The following VPS41 variants were observed in gnomAD, a reference collection of about 807,000 sequenced individuals.
The protein encoded by VPS41 is VPS41 subunit of HOPS complex, also known as vacuolar protein sorting-associated protein 41 homolog.
Under a neutral mutation model 130.9 loss-of-function variants are expected in VPS41, and 85 were observed. That is an observed-to-expected ratio of 0.65 (90% CI 0.55 to 0.78). The LOEUF (loss-of-function observed/expected upper bound fraction) is 0.78, where lower values mean the gene tolerates loss of function less well. VPS41 is among the 30% of genes least tolerant of loss of function. VPS41 has a pLI of 0.00. For missense variants in VPS41, 874 were observed against 1,018.7 expected, an observed-to-expected ratio of 0.86 and a Z score of 1.93; for synonymous variants, 335 against 332.9, an observed-to-expected ratio of 1.01 and a Z score of -0.07.
rs1025556554 is a variant in VPS41, at chr7:38,723,147, G to A, written c.*3099C>T. 2.6e-5 allele frequency: 4 copies of A among 152,192 alleles called. No homozygotes were observed. Among genetic ancestry groups the A allele is most frequent in the African/African-American group, 4.8e-5 (2 of 41,428 alleles). The allele number at this position is 152,192 out of a possible 1,614,324, so 9.4% of individuals were successfully genotyped here. ...TTCATACTGAGTAGGCTGAGAAGGA[G>A]GAGGAAGGGGAGGGCCTGGTCTTGC... On this transcript the variant is annotated 3_prime_UTR_variant, in exon 29 of 29. Coordinates refer to ENST00000310301, the MANE Select transcript of VPS41 (RefSeq NM_014396.4).
chr7:38,817,959 A>C, intron 6 of VPS41, 77 bp from the exon 7 acceptor site: 1 of 1,107,664 alleles, frequency 9.0e-7, no homozygotes, highest in Non-Finnish European at 1.4e-6. Context: ...GACACAGTTC[A>C]AGCAGCATGA....
At chr7:38,824,030 G>A (rs1350353143) in intron 5 of VPS41, among the ~76,000 whole-genome samples, 2 of 152,282 alleles carry the variant, frequency 1.3e-5, no homozygotes, top group African/African-American at 4.8e-5. Context: ...AGAAAATCAG[G>A]TGAAAAGAAG....
At position 38,811,606 on chromosome 7, in the gene VPS41, C is replaced by T. The variant is rs576904586; in HGVS notation, c.450+6211G>A. ...AGACTTGTTTTGTCATACACACACA[C>T]ACACACACACACACCCCTCCATATA... is the stretch of plus-strand genomic sequence containing the variant. On this transcript the variant is annotated intron_variant, in intron 7 of 28. Coordinates refer to ENST00000310301, the MANE Select transcript of VPS41 (RefSeq NM_014396.4). Among the ~76,000 whole-genome samples, 677 of 150,712 alleles carry T rather than the reference C, an allele frequency of 4.5e-3. 4 individuals are homozygous for T. The highest frequency in any genetic ancestry group is 0.016 in the African/African-American group (654 of 40,876).
At chr7:38,897,010 A>G (rs1216069108) in intron 2 of VPS41, among the ~76,000 whole-genome samples, 1 of 152,000 alleles carries the variant, frequency 6.6e-6, no homozygotes, top group Non-Finnish European at 1.5e-5. Flanking sequence ...CCTGGCCAAC[A>G]TGGTGAAACC....
At chr7:38,789,430 AG>A (rs1784494988) in intron 10 of VPS41, among the ~76,000 whole-genome samples, 2 of 152,122 alleles carry the variant, frequency 1.3e-5, no homozygotes, top group Admixed American at 1.3e-4. Flanking sequence ...GTGCTAGACA[AG>A]GGGAAAGAGA....
chr7:38,798,765 G>A (rs533429680), intron 7 of VPS41, among the ~76,000 whole-genome samples: 6 of 152,282 alleles, frequency 3.9e-5, no homozygotes, highest in African/African-American at 1.4e-4. Flanking sequence ...GTGGGACACA[G>A]CATCGAATTC....
intron 7 of VPS41, among the ~76,000 whole-genome samples, chr7:38,803,203 T>C (rs1229302027): frequency 6.6e-6 from 1 of 152,248 alleles, no homozygotes; most frequent in South Asian, 2.1e-4. Context: ...TATCAGGCTG[T>C]AATGAAGTCC....
rs573486413 is a variant in VPS41, at chr7:38,823,907, T to C, written c.322-2642A>G. On this transcript the variant is annotated intron_variant, in intron 5 of 28. Transcript: ENST00000310301. The stretch of plus-strand genomic sequence containing the variant: ...TTTATGGAAATATATAGGCATAGGA[T>C]AATATAACAAACATCTTATAAAATA... Among the ~76,000 whole-genome samples the C allele has an allele frequency of 4.6e-5, 7 of 152,288 alleles. No homozygotes were observed. The South Asian group carries it at 6.2e-4, about 14-fold the overall frequency.
At chr7:38,766,882 A>G (rs1784055715) in intron 15 of VPS41, among the ~76,000 whole-genome samples, 1 of 152,232 alleles carries the variant, frequency 6.6e-6, no homozygotes, top group Non-Finnish European at 1.5e-5. Flanking sequence ...CTGTGAGTCA[A>G]CTAAACCTCT....
chr7:38,813,145 G>T (rs1784977047), intron 7 of VPS41, among the ~76,000 whole-genome samples: 1 of 152,014 alleles, frequency 6.6e-6, no homozygotes, highest in Non-Finnish European at 1.5e-5. Context: ...ACAAACGGAT[G>T]AATAAAACAT....
chr7:38,873,678 T>TC (rs915403693), intron 2 of VPS41, among the ~76,000 whole-genome samples: 22 of 152,178 alleles, frequency 1.4e-4, no homozygotes, highest in African/African-American at 5.3e-4. Flanking sequence ...GAGTGACATT[T>TC]ACCCATACAA....
chr7:38,894,191 G>T (rs1045122185), intron 2 of VPS41, among the ~76,000 whole-genome samples: 14 of 152,164 alleles, frequency 9.2e-5, no homozygotes, highest in Admixed American at 5.9e-4. Context: ...AAGAGAAATG[G>T]ATGAAGGAGG....
chr7:38,822,587 CT>C (rs1374163974), intron 5 of VPS41, among the ~76,000 whole-genome samples: 1 of 152,184 alleles, frequency 6.6e-6, no homozygotes, highest in Non-Finnish European at 1.5e-5. Context: ...TTGATGACCA[CT>C]TAGGTTGTTT....
Position 38,863,219 on chromosome 7 carries a change from A to C in VPS41, c.169-597T>G, listed in dbSNP as rs117788790. 6.0e-3 allele frequency among the ~76,000 whole-genome samples: 914 copies of C among 152,354 alleles called. 4 individuals carry two copies. Among genetic ancestry groups the C allele is most frequent in the Non-Finnish European group, 8.6e-3 (588 of 68,028 alleles). ...TGCAAAATAAAAACCCTTTTGTGTT[A>C]TAAAATAACTGTCAAAAAATACTCA... On this transcript the variant is annotated intron_variant, in intron 3 of 28. Transcript: ENST00000310301.
chr7:38,855,491 G>A (rs1785963788), intron 4 of VPS41, among the ~76,000 whole-genome samples: 1 of 152,130 alleles, frequency 6.6e-6, no homozygotes, highest in African/African-American at 2.4e-5. Flanking sequence ...AAAGATGGTC[G>A]AGTCCCAAAG....
intron 4 of VPS41, among the ~76,000 whole-genome samples, chr7:38,839,290 C>A (rs1785558820): frequency 6.6e-6 from 1 of 152,196 alleles, no homozygotes; most frequent in Non-Finnish European, 1.5e-5. Context: ...GGAAGCAAGA[C>A]CTCCATCTGG....
At chr7:38,891,375 C>T (rs567431161) in intron 2 of VPS41, among the ~76,000 whole-genome samples, 2 of 152,206 alleles carry the variant, frequency 1.3e-5, no homozygotes, top group East Asian at 3.9e-4. Context: ...ATAATATGGC[C>T]TTGTATGCTT....
chr7:38,872,030 G>T (rs1045661087), intron 2 of VPS41, among the ~76,000 whole-genome samples: 1 of 152,134 alleles, frequency 6.6e-6, no homozygotes, highest in African/African-American at 2.4e-5. Flanking sequence ...AGGCAATTCA[G>T]AAGTGGCTTA....
rs1584389093 is a variant in VPS41, at chr7:38,774,026, C to T, written c.1012+89G>A. 18 of 1,296,422 alleles carry T rather than the reference C, an allele frequency of 1.4e-5. No individual in the cohort carries two copies. The South Asian group carries it at 1.5e-4, about 11-fold the overall frequency. The allele number at this position is 1,296,422 out of a possible 1,614,324, so 80.3% of individuals were successfully genotyped here. A position where few individuals can be genotyped will look rare whatever the true frequency, so the allele number is the denominator to read the frequency against. Reference sequence around the variant, plus strand: ...GTATTCTCTTAAGATTCTTTCAGCACCTTAATTTAAATTCCATTTATTGCA... The same window carrying T: ...GTATTCTCTTAAGATTCTTTCAGCATCTTAATTTAAATTCCATTTATTGCA... On this transcript the variant is annotated intron_variant, in intron 12 of 28. Coordinates refer to ENST00000310301, the MANE Select transcript of VPS41 (RefSeq NM_014396.4).
Sources: allele counts gnomAD v4.1 joint callset (sites outside exome capture counted in the v4.1 genomes callset), GRCh38; gene constraint gnomAD v4.1.1; transcripts MANE v1.5; gene names NCBI Gene and HGNC (gene_info 2026-07-23, HGNC 2026-07-21).